SLC9D1: variants seen among roughly 807,000 people sequenced by gnomAD.
SLC9D1 encodes the protein solute carrier family 9 member D1, also known as putative LAG1-interacting protein.
At chr13:113,549,062 G>A in the SLC9D1 span, among the ~76,000 whole-genome samples, 24 of 152,188 alleles carry the variant, frequency 1.6e-4, 1 homozygote, top group Admixed American at 1.2e-3. Flanking sequence ...GGCAAACACA[G>A]GCTAAAGCTG....
chr13:113,531,923 C>G, the SLC9D1 span, among the ~76,000 whole-genome samples: 2 of 152,212 alleles, frequency 1.3e-5, no homozygotes, highest in Non-Finnish European at 2.9e-5. Context: ...CTGTGGAGAG[C>G]TTGTGTAGCC....
At chr13:113,548,812 T>A in the SLC9D1 span, among the ~76,000 whole-genome samples, 1 of 151,854 alleles carries the variant, frequency 6.6e-6, no homozygotes, top group African/African-American at 2.4e-5. Flanking sequence ...GAGAGCTGGG[T>A]GGAGGTTCCT....
At chr13:113,498,633 C>A in the SLC9D1 span, 1 of 830,450 alleles carries the variant, frequency 1.2e-6, no homozygotes, top group Non-Finnish European at 1.8e-6. Flanking sequence ...AAAATGAAGA[C>A]AAACTAAAAT....
the SLC9D1 span, chr13:113,547,430 C>A: frequency 5.5e-5 from 77 of 1,411,594 alleles, no homozygotes; most frequent in Admixed American, 1.3e-4. Flanking sequence ...CTCAGCATAG[C>A]CCTCCCTGTG....
the SLC9D1 span, among the ~76,000 whole-genome samples, chr13:113,544,058 C>T: frequency 3.3e-3 from 505 of 152,342 alleles, no homozygotes; most frequent in Non-Finnish European, 5.1e-3. Flanking sequence ...GCGTGGGACC[C>T]GATATCCACT....
the SLC9D1 span, among the ~76,000 whole-genome samples, chr13:113,547,833 T>C: frequency 1.3e-5 from 2 of 152,142 alleles, no homozygotes; most frequent in Non-Finnish European, 2.9e-5. Flanking sequence ...AGACAGTGAC[T>C]TAGGTCATTT....
chr13:113,516,426 A>G, the SLC9D1 span, among the ~76,000 whole-genome samples: 1 of 152,020 alleles, frequency 6.6e-6, no homozygotes, highest in Non-Finnish European at 1.5e-5. Context: ...TTAGCCGGGC[A>G]TGGTGGCACA....
At chr13:113,506,589 G>A in the SLC9D1 span, among the ~76,000 whole-genome samples, 1 of 151,816 alleles carries the variant, frequency 6.6e-6, no homozygotes, top group Non-Finnish European at 1.5e-5. Context: ...GTAATTTAGA[G>A]AGGTTTGCAG....
the SLC9D1 span, chr13:113,501,983 T>G: frequency 1.1e-6 from 1 of 941,018 alleles, no homozygotes; most frequent in Admixed American, 2.1e-5. Flanking sequence ...AGATACCAGC[T>G]TCGTATAAAC....
the SLC9D1 span, chr13:113,504,493 C>T: frequency 1.3e-5 from 2 of 152,198 alleles, no homozygotes; most frequent in Admixed American, 1.3e-4. Flanking sequence ...CCACCCACCA[C>T]CCTTTGCCCC....
chr13:113,498,713 T>C, the SLC9D1 span: 1 of 488,524 alleles, frequency 2.0e-6, no homozygotes, highest in Non-Finnish European at 3.5e-6. Context: ...TTTCCTTTTA[T>C]ATTTTTAACA....
chr13:113,526,056 A>G, the SLC9D1 span, among the ~76,000 whole-genome samples: 1 of 151,876 alleles, frequency 6.6e-6, no homozygotes, highest in South Asian at 2.1e-4. Context: ...ATTCTAGAAC[A>G]AGCCGTCGTC....
the SLC9D1 span, among the ~76,000 whole-genome samples, chr13:113,508,987 C>G: frequency 6.7e-6 from 1 of 149,742 alleles, no homozygotes; most frequent in South Asian, 2.1e-4. Flanking sequence ...GTGGGTCCCC[C>G]CTGGAGCTGC....
the SLC9D1 span, among the ~76,000 whole-genome samples, chr13:113,543,122 C>CT: frequency 1.8e-4 from 17 of 93,546 alleles, no homozygotes; most frequent in African/African-American, 7.7e-4. Flanking sequence ...CCCAGCCCTC[C>CT]CTGTCCGTGA....
chr13:113,525,230 G>A, the SLC9D1 span, among the ~76,000 whole-genome samples: 3 of 152,300 alleles, frequency 2.0e-5, no homozygotes, highest in South Asian at 2.1e-4. Flanking sequence ...AGCAGTGGTC[G>A]GGTGGGATTC....
the SLC9D1 span, among the ~76,000 whole-genome samples, chr13:113,543,122 C>CCT: frequency 4.2e-4 from 39 of 93,542 alleles, 1 homozygote; most frequent in African/African-American, 1.6e-3. Flanking sequence ...CCCAGCCCTC[C>CCT]CTGTCCGTGA....
At chr13:113,525,949 A>G in the SLC9D1 span, among the ~76,000 whole-genome samples, 4 of 152,012 alleles carry the variant, frequency 2.6e-5, no homozygotes, top group Non-Finnish European at 5.9e-5. Context: ...CGGTTATTCT[A>G]GAACAAGCCG....
At chr13:113,545,436 G>C in the SLC9D1 span, among the ~76,000 whole-genome samples, 2 of 152,232 alleles carry the variant, frequency 1.3e-5, no homozygotes, top group African/African-American at 4.8e-5. Context: ...GAGAATAAAT[G>C]ACCCTGCATA....
At chr13:113,503,513 G>C in the SLC9D1 span, 37 of 1,612,880 alleles carry the variant, frequency 2.3e-5, no homozygotes, top group Admixed American at 2.0e-4. Flanking sequence ...TGCAAGTGGA[G>C]ACATTAGGAG....
Sources: gnomAD v4.1 joint callset for allele counts (sites outside exome capture counted in the v4.1 genomes callset) on GRCh38, gnomAD v4.1.1 for gene constraint, MANE v1.5 for transcripts, NCBI Gene and HGNC (gene_info 2026-07-23, HGNC 2026-07-21) for gene names.